EFCAB13: variants seen among roughly 807,000 people sequenced by gnomAD.
EFCAB13 encodes EF-hand calcium binding domain 13, also known as EF-hand calcium-binding domain-containing protein 13.
EFCAB13 carries 91 observed loss-of-function variants against 110.2 expected under a neutral mutation model. The observed-to-expected ratio is 0.83, with a 90% CI of 0.70 to 0.98. The LOEUF is 0.98. Among genes scored for constraint, EFCAB13 ranks in the 50% least tolerant of loss-of-function variants. The pLI is 0.00. For missense variants in EFCAB13, 968 were observed against 1,119.4 expected (o/e 0.86, Z 1.93); for synonymous variants, 323 against 369.9 (o/e 0.87, Z 1.45).
At chr17:47,386,950 C>A (rs777788049) in intron 14 of EFCAB13, among the ~76,000 whole-genome samples, 1 of 149,628 alleles carries the variant, frequency 6.7e-6, no homozygotes, top group South Asian at 2.2e-4. Context: ...TGCTTCTGCT[C>A]GCCCTCCATG....
chr17:47,383,882 T>A (rs749285278), intron 14 of EFCAB13, among the ~76,000 whole-genome samples: 13 of 152,182 alleles, frequency 8.5e-5, no homozygotes, highest in Non-Finnish European at 1.5e-4. Flanking sequence ...GTTCAAGTCC[T>A]GAAAATCCTT....
intron 14 of EFCAB13, among the ~76,000 whole-genome samples, chr17:47,380,163 G>T (rs2065638792): frequency 6.6e-6 from 1 of 152,144 alleles, no homozygotes; most frequent in African/African-American, 2.4e-5. Flanking sequence ...CACATGCTAT[G>T]GTGGTTTGCT....
At chr17:47,391,704 A>G (rs1248152589) in intron 15 of EFCAB13, 124 bp downstream of exon 15, 2 of 809,070 alleles carry the variant, frequency 2.5e-6, no homozygotes, top group Non-Finnish European at 1.8e-6. Flanking sequence ...ACTAATACAA[A>G]AAGTATGGAA....
chr17:47,344,130 T>G (rs2065401416), intron 6 of EFCAB13, 32 bp from the exon 7 acceptor site: 1 of 1,604,124 alleles, frequency 6.2e-7, no homozygotes, highest in South Asian at 1.1e-5. Context: ...GTCACTCACC[T>G]CAGGCACCAA....
At position 47,397,726 on chromosome 17, in the gene EFCAB13, C is replaced by T. The variant is rs1272514561; in HGVS notation, c.1945+1749C>T. Among the ~76,000 whole-genome samples, 13 of 151,666 alleles carry T rather than the reference C, an allele frequency of 8.6e-5. No homozygotes were observed. In the East Asian group the frequency reaches 2.6e-3, roughly 30 times the overall value. On this transcript the variant is annotated intron_variant, in intron 17 of 24. Transcript: ENST00000331493. ...GCGACCCCATCTGGGAGGTGAGGAG[C>T]GTCTCTGCCCGGCCGCCCCGTCTGA...
chr17:47,358,022 C>A (rs1315329517), intron 9 of EFCAB13, among the ~76,000 whole-genome samples: 1 of 152,128 alleles, frequency 6.6e-6, no homozygotes, highest in Non-Finnish European at 1.5e-5. Context: ...CAAGAACTCT[C>A]AGGTTTCTTT....
intron 15 of EFCAB13, among the ~76,000 whole-genome samples, chr17:47,393,011 G>A (rs900451097): frequency 4.4e-4 from 67 of 152,108 alleles, no homozygotes; most frequent in African/African-American, 1.5e-3. Context: ...TTTTCCACAT[G>A]AAGACACAAG....
At chr17:47,430,994 G>A (rs1372645480) in intron 24 of EFCAB13, among the ~76,000 whole-genome samples, 2 of 151,882 alleles carry the variant, frequency 1.3e-5, no homozygotes, top group African/African-American at 2.4e-5. Context: ...ATAAATAATT[G>A]TTATACACAT....
chr17:47,349,213 G>C (rs548008803), intron 9 of EFCAB13, among the ~76,000 whole-genome samples: 3 of 152,300 alleles, frequency 2.0e-5, no homozygotes, highest in East Asian at 3.9e-4. Context: ...AAGCACTGAA[G>C]TATTCCTCTA....
At chr17:47,415,041 G>T in intron 23 of EFCAB13, 122 bp downstream of exon 23, 3 of 627,068 alleles carry the variant, frequency 4.8e-6, no homozygotes, top group South Asian at 4.0e-5. Context: ...TAGACACCAT[G>T]GAATACTATG....
Position 47,347,945 on chromosome 17 carries a change from A to G in EFCAB13, c.655A>G (p.Ile219Val). The stretch of plus-strand genomic sequence containing the variant: ...GCGACAGGCACTAAAGACTGTTGAT[A>G]TTGATGGTAAGTTTTATCTTTTCAG... Reference protein sequence around the residue: ...EMRQALKTVDIDAFQDALKIF... With the variant: ...EMRQALKTVDVDAFQDALKIF... The change falls in exon 9 of 25, where the codon ATT becomes GTT. Residue 219 changes from isoleucine (I) to valine (V), a missense_variant. Ile to Val is a conservative substitution (Grantham distance 29). Transcript: ENST00000331493. 1 of 1,470,284 alleles carries G rather than the reference A, an allele frequency of 6.8e-7. No individual in the cohort carries two copies. The highest frequency in any genetic ancestry group is 9.1e-7 in the Non-Finnish European group (1 of 1,095,488). The allele number at this position is 1,470,284 out of a possible 1,614,324, so 91.1% of individuals were successfully genotyped here.
intron 5 of EFCAB13, 37 bp downstream of exon 5, chr17:47,335,393 T>C: frequency 6.5e-7 from 1 of 1,535,614 alleles, no homozygotes; most frequent in Non-Finnish European, 8.7e-7. Context: ...TATTGAATTA[T>C]ACTTTTGCAA....
chr17:47,424,607 T>C (rs979722353), intron 23 of EFCAB13, among the ~76,000 whole-genome samples: 3 of 152,060 alleles, frequency 2.0e-5, no homozygotes, highest in Non-Finnish European at 4.4e-5. Context: ...GGGCTTCTCA[T>C]TGGGAGATAT....
Position 47,391,702 on chromosome 17 carries a change from A to G in EFCAB13, c.1726+122A>G, listed in dbSNP as rs2065708943. ...TAAAAAGTTAAAATTAAACTAATAC[A>G]AAAAGTATGGAAATACTCAAAAGTA... On this transcript the variant is annotated intron_variant, in intron 15 of 24. Coordinates refer to ENST00000331493, the MANE Select transcript of EFCAB13 (RefSeq NM_152347.5). 4.7e-6 allele frequency: 4 copies of G among 851,800 alleles called. No individual in the cohort carries two copies. The South Asian group carries it at 8.8e-5, about 19-fold the overall frequency. 52.8% of individuals were successfully genotyped at this position (851,800 alleles called of 1,614,324 possible). A position where few individuals can be genotyped will look rare whatever the true frequency, so the allele number is the denominator to read the frequency against.
chr17:47,371,933 A>G (rs1020354452), intron 11 of EFCAB13, among the ~76,000 whole-genome samples: 1 of 152,096 alleles, frequency 6.6e-6, no homozygotes, highest in Non-Finnish European at 1.5e-5. Context: ...ATTTTTATAC[A>G]TACTGTTTTG....
intron 5 of EFCAB13, chr17:47,339,919 T>G (rs183201426): frequency 1.3e-5 from 2 of 152,254 alleles, no homozygotes; most frequent in African/African-American, 4.8e-5. Context: ...CTGGAACATC[T>G]TGTCTTCCGG....
chr17:47,359,094 AG>A (rs1479543484), intron 9 of EFCAB13, among the ~76,000 whole-genome samples: 3 of 152,160 alleles, frequency 2.0e-5, no homozygotes, highest in Non-Finnish European at 2.9e-5. Flanking sequence ...GCACTTTGGG[AG>A]GCCAAGGCGG....
chr17:47,339,457 A>G (rs2065371013), intron 5 of EFCAB13, among the ~76,000 whole-genome samples: 1 of 152,148 alleles, frequency 6.6e-6, no homozygotes. Context: ...GATCCCTTGC[A>G]TGCACAGTTC....
At chr17:47,352,764 A>G (rs2065460478) in intron 9 of EFCAB13, among the ~76,000 whole-genome samples, 1 of 152,026 alleles carries the variant, frequency 6.6e-6, no homozygotes, top group Admixed American at 6.6e-5. Context: ...TTATTTCATC[A>G]CTGTTTTGTA....
Sources: allele counts gnomAD v4.1 joint callset (sites outside exome capture counted in the v4.1 genomes callset), GRCh38; gene constraint gnomAD v4.1.1; transcripts MANE v1.5; gene names NCBI Gene and HGNC (gene_info 2026-07-23, HGNC 2026-07-21).